Variants in PTDSS2 observed in about 807,000 individuals in gnomAD.
PTDSS2 encodes the protein PSS-2.
Under a neutral mutation model 64.7 loss-of-function variants are expected in PTDSS2, and 41 were observed. The ratio of observed to expected loss-of-function variants is 0.63; its 90% CI spans 0.49 to 0.82. The LOEUF (loss-of-function observed/expected upper bound fraction) is 0.82, where lower values mean the gene tolerates loss of function less well. Ranked by LOEUF, PTDSS2 falls within the 40% of genes least tolerant of loss-of-function variation. PTDSS2 has a pLI of 0.00. For missense variants in PTDSS2, 485 were observed against 650.0 expected (o/e 0.75, Z 2.76); for synonymous variants, 297 against 277.8 (o/e 1.07, Z -0.69).
chr11:474,776 T>C (rs1393947885), intron 3 of PTDSS2, among the ~76,000 whole-genome samples: 1 of 152,236 alleles, frequency 6.6e-6, no homozygotes, highest in East Asian at 1.9e-4. Context: ...AATACAAAGA[T>C]ACTTAAAAAT....
chr11:456,143 TTTTC>T (rs569884003), intron 1 of PTDSS2, among the ~76,000 whole-genome samples: 20 of 151,910 alleles, frequency 1.3e-4, no homozygotes, highest in Admixed American at 6.6e-4. Context: ...TTGTTTTGGT[TTTTC>T]TTTCTTTCTG....
At chr11:488,454 T>G in intron 7 of PTDSS2, 75 bp from the exon 8 acceptor site, 1 of 1,402,330 alleles carries the variant, frequency 7.1e-7, no homozygotes. Flanking sequence ...TCGGTTCCCC[T>G]GTGCTCTTCC....
chr11:460,235 C>T lies in PTDSS2; in HGVS notation c.231C>T (p.Gly77=). 4 of 1,614,216 alleles carry T rather than the reference C, an allele frequency of 2.5e-6. No homozygotes were observed. The highest frequency in any genetic ancestry group is 3.4e-6 in the Non-Finnish European group (4 of 1,180,028). Residue 77 remains glycine (G), a synonymous_variant, in exon 2 of 12, where the codon GGC becomes GGT. Coordinates refer to ENST00000308020, the MANE Select transcript of PTDSS2 (RefSeq NM_030783.3). This position sits in a 1 kb window ranked among gnomAD's most constrained non-coding sequence, Gnocchi z 5.8. ...TCTTCATCCTCACCTGTACGCTTGG[C>T]TATGTGACGCTGCTGGAGGAAACAC... ...TVLFILTCTL[G]YVTLLEETPQ...
In PTDSS2 at chr11:490,729, G is replaced by A; in HGVS notation, c.*147G>A. 1 of 763,260 alleles carries A rather than the reference G, an allele frequency of 1.3e-6. No homozygotes were observed. The highest frequency in any genetic ancestry group is 2.1e-6 in the Non-Finnish European group (1 of 484,334). 47.3% of individuals were successfully genotyped at this position (763,260 alleles called of 1,614,324 possible). ...TGCACCTGGCGAGGCTGAAGGCGAG[G>A]GGTGGAGGAGGCCCCAGCACAGCCT... On this transcript the variant is annotated 3_prime_UTR_variant, in exon 12 of 12. Coordinates refer to ENST00000308020, the MANE Select transcript of PTDSS2 (RefSeq NM_030783.3).
chr11:481,701 G>C (rs1399014400), intron 4 of PTDSS2, among the ~76,000 whole-genome samples: 4 of 152,164 alleles, frequency 2.6e-5, no homozygotes, highest in Non-Finnish European at 5.9e-5. Flanking sequence ...CTTGCGTCCT[G>C]CAACCGTGCT....
chr11:477,065 G>C (rs1847841661), intron 3 of PTDSS2, among the ~76,000 whole-genome samples: 1 of 152,202 alleles, frequency 6.6e-6, no homozygotes, highest in Non-Finnish European at 1.5e-5. Context: ...GGTCCCTGTG[G>C]GCTCTGCCCA....
At position 470,746 on chromosome 11, in the gene PTDSS2, C is replaced by T. The variant is rs558221514; in HGVS notation, c.285-3149C>T. On this transcript the variant is annotated intron_variant, in intron 2 of 11. Transcript: ENST00000308020. This position sits in a 1 kb window ranked among gnomAD's most constrained non-coding sequence, Gnocchi z 5.3. ...CTGGGATTACAGGTGCCTGCCACCACATCTGGCTAATTTGTGTATTTTTAG... is the reference window on the plus strand; with the variant it reads ...CTGGGATTACAGGTGCCTGCCACCATATCTGGCTAATTTGTGTATTTTTAG... 3.6e-4 allele frequency among the ~76,000 whole-genome samples: 54 copies of T among 152,026 alleles called. No individual in the cohort carries two copies. The highest frequency in any genetic ancestry group is 1.3e-3 in the Admixed American group (20 of 15,270).
Position 476,379 on chromosome 11 carries a change from G to A in PTDSS2, c.367+2402G>A, listed in dbSNP as rs1395840394. On this transcript the variant is annotated intron_variant, in intron 3 of 11. Coordinates refer to ENST00000308020, the MANE Select transcript of PTDSS2 (RefSeq NM_030783.3). This position sits in a 1 kb window ranked among gnomAD's most constrained non-coding sequence, Gnocchi z 4.9. ...ACAGTGAAAGGCCTGGCGCGGTGAT[G>A]GTGAGAAACTTCCCGGCACACAGTG... Among the ~76,000 whole-genome samples, 3 of 152,224 alleles carry A rather than the reference G, an allele frequency of 2.0e-5. No homozygotes were observed. The highest frequency in any genetic ancestry group is 1.3e-4 in the Admixed American group (2 of 15,282).
rs151055800 is a variant in PTDSS2 at position 490,525 on chromosome 11, C to T, written c.1407C>T (p.Asp469=). Residue 469 remains aspartate (D), a synonymous_variant, in exon 12 of 12, where the codon GAC becomes GAT. Coordinates refer to ENST00000308020, the MANE Select transcript of PTDSS2 (RefSeq NM_030783.3). ...GGGACCAGCACCCACTGGGGCTGGA[C>T]GAAGACCTGCTGGGGCCTGGGGTGG... ...GNGDQHPLGL[D]EDLLGPGVAE... 865 of 1,612,564 alleles carry T rather than the reference C, an allele frequency of 5.4e-4. 5 individuals are homozygous for T. In the African/African-American group the frequency reaches 9.0e-3, roughly 17 times the overall value.
chr11:472,409 C>T (rs1847508963), intron 2 of PTDSS2, among the ~76,000 whole-genome samples: 3 of 152,216 alleles, frequency 2.0e-5, no homozygotes, highest in Admixed American at 2.0e-4. Flanking sequence ...AACCCAGCAG[C>T]GAGGGCATCT....
At chr11:483,390 G>GCA (rs1245644696) in intron 4 of PTDSS2, among the ~76,000 whole-genome samples, 35 of 151,738 alleles carry the variant, frequency 2.3e-4, no homozygotes, top group African/African-American at 8.0e-4. Context: ...CCTACCGAGT[G>GCA]GAGAAGGTTC....
chr11:466,017 C>T (rs1214956790), intron 2 of PTDSS2, among the ~76,000 whole-genome samples: 1 of 152,148 alleles, frequency 6.6e-6, no homozygotes, highest in South Asian at 2.1e-4. Flanking sequence ...AAAATGTTTA[C>T]AAAACACCTA....
chr11:465,848 G>A (rs1262373266), intron 2 of PTDSS2, among the ~76,000 whole-genome samples: 1 of 151,924 alleles, frequency 6.6e-6, no homozygotes, highest in Non-Finnish European at 1.5e-5. Flanking sequence ...AGACCGAGGC[G>A]AGAGGATTGC....
Position 490,788 on chromosome 11 carries a change from G to GCA in PTDSS2, c.*207_*208insAC, listed in dbSNP as rs1202074159. 24 of 577,884 alleles carry GCA rather than the reference G, an allele frequency of 4.2e-5. No individual in the cohort carries two copies. Among genetic ancestry groups the GCA allele is most frequent in the Non-Finnish European group, 6.9e-5 (23 of 330,966 alleles). The allele number at this position is 577,884 out of a possible 1,614,324, so 35.8% of individuals were successfully genotyped here. A position where few individuals can be genotyped will look rare whatever the true frequency, so the allele number is the denominator to read the frequency against. ...TGTGTACACGTGTGTACGTGTGTAT[G>GCA]CGTGTGTGTACGCGTGTGTACGCGC... On this transcript the variant is annotated 3_prime_UTR_variant, in exon 12 of 12. Transcript: ENST00000308020.
chr11:471,951 C>A lies in PTDSS2; in HGVS notation c.285-1944C>A, dbSNP rs201207170. Among the ~76,000 whole-genome samples the A allele has an allele frequency of 2.5e-4, 33 of 133,610 alleles. No individual in the cohort carries two copies. The South Asian group carries it at 7.9e-3, about 32-fold the overall frequency. The allele number at this position is 133,610 out of a possible 152,430, so 87.7% of individuals were successfully genotyped here. A position where few individuals can be genotyped will look rare whatever the true frequency, so the allele number is the denominator to read the frequency against. On this transcript the variant is annotated intron_variant, in intron 2 of 11. Transcript: ENST00000308020. The stretch of plus-strand genomic sequence containing the variant: ...TGGTGGCCTGGGGTGACGTGGATGG[C>A]GGCCTGGGGTGATGCAGATGGCGGC...
rs375219848 is a variant in PTDSS2 at position 490,108 on chromosome 11, G to A, written c.1301+40G>A. ...GGCGCGTATGTTCTGAAGGAGGGCC[G>A]CTGTCCGGGTCCCTTGGCACAGGCA... On this transcript the variant is annotated intron_variant, in intron 11 of 11. Coordinates refer to ENST00000308020, the MANE Select transcript of PTDSS2 (RefSeq NM_030783.3). 1.1e-4 allele frequency: 177 copies of A among 1,557,010 alleles called. No individual in the cohort carries two copies. In the Admixed American group the frequency reaches 1.3e-3, roughly 11 times the overall value.
intron 1 of PTDSS2, among the ~76,000 whole-genome samples, chr11:455,773 C>T (rs1846560185): frequency 6.6e-6 from 1 of 152,256 alleles, no homozygotes. Context: ...TTGTTTTAAC[C>T]TCCCTAACCA....
intron 3 of PTDSS2, 21 bp downstream of exon 3, chr11:473,998 C>G (rs1847602118): frequency 6.3e-7 from 1 of 1,584,284 alleles, no homozygotes; most frequent in Non-Finnish European, 8.7e-7. Flanking sequence ...ATTTCCTTTT[C>G]CGTGTGCCCC....
At chr11:489,261 C>G (rs553994169) in intron 8 of PTDSS2, 139 bp from the exon 9 acceptor site, 7 of 687,456 alleles carry the variant, frequency 1.0e-5, no homozygotes, top group Non-Finnish European at 1.8e-5. Flanking sequence ...TGGCACAGGG[C>G]GGGGCGGGGT....
Sources: gnomAD v4.1 joint callset for allele counts (sites outside exome capture counted in the v4.1 genomes callset) on GRCh38, gnomAD v4.1.1 for gene constraint, Gnocchi (gnomAD v3.1) non-coding constraint, MANE v1.5 for transcripts, NCBI Gene and HGNC (gene_info 2026-07-23, HGNC 2026-07-21) for gene names.